Variants in HHAT observed in about 807,000 individuals in gnomAD.
The protein encoded by HHAT is protein-cysteine N-palmitoyltransferase HHAT.
A neutral mutation model predicts 70.8 loss-of-function variants in HHAT; 47 were observed. That is an observed-to-expected ratio of 0.66 (90% confidence interval 0.53 to 0.85). The LOEUF (loss-of-function observed/expected upper bound fraction) is 0.85, where lower values mean the gene tolerates loss of function less well. Among genes scored for constraint, HHAT ranks in the 40% least tolerant of loss-of-function variants. The probability of loss-of-function intolerance (pLI) is 0.00; values close to 1 mark genes in which losing one functional copy is unlikely to be tolerated. For synonymous variants in HHAT, 228 were observed against 247.6 expected, an observed-to-expected ratio of 0.92 and a Z score of 0.74; for missense variants, 609 against 604.8, an observed-to-expected ratio of 1.01 and a Z score of -0.07.
Position 210,609,905 on chromosome 1 carries a change from A to G in HHAT, c.1246-13621A>G, listed in dbSNP as rs895125631. Among the ~76,000 whole-genome samples, 12 of 152,268 alleles carry G rather than the reference A, an allele frequency of 7.9e-5. No homozygotes were observed. In the East Asian group the frequency reaches 1.3e-3, roughly 17 times the overall value. On this transcript the variant is annotated intron_variant, in intron 10 of 11. Transcript: ENST00000261458. ...TATATACCACATTTTTCTTTGTCCA[A>G]TCTATCATTGATGGGCGTTTAGATT...
chr1:210,639,657 G>A (rs74158963), intron 11 of HHAT, among the ~76,000 whole-genome samples: 1 of 152,168 alleles, frequency 6.6e-6, no homozygotes, highest in East Asian at 1.9e-4. Flanking sequence ...TTTCAGTGGC[G>A]CAGTGCAGGT....
chr1:210,385,579 C>T (rs1383775965), intron 3 of HHAT, among the ~76,000 whole-genome samples: 1 of 152,160 alleles, frequency 6.6e-6, no homozygotes, highest in Non-Finnish European at 1.5e-5. Context: ...ACATGATTTC[C>T]AGCAAGGGAC....
chr1:210,525,361 T>C (rs929800613), intron 9 of HHAT, among the ~76,000 whole-genome samples: 1 of 152,192 alleles, frequency 6.6e-6, no homozygotes, highest in African/African-American at 2.4e-5. Flanking sequence ...CCCATCACAG[T>C]CATGTCAATG....
At chr1:210,563,825 C>T (rs1003827480) in intron 9 of HHAT, among the ~76,000 whole-genome samples, 16 of 152,166 alleles carry the variant, frequency 1.1e-4, no homozygotes, top group Non-Finnish European at 1.9e-4. Context: ...TCCTCCTTGC[C>T]TTCCAATTCA....
intron 1 of HHAT, among the ~76,000 whole-genome samples, chr1:210,346,316 T>C (rs1212186550): frequency 2.0e-5 from 3 of 152,212 alleles, no homozygotes; most frequent in Non-Finnish European, 2.9e-5. Context: ...GGTCATCCGA[T>C]GTAATACCAA....
intron 7 of HHAT, among the ~76,000 whole-genome samples, chr1:210,442,015 A>G (rs1343543315): frequency 9.5e-6 from 1 of 104,802 alleles, no homozygotes; most frequent in African/African-American, 3.8e-5. Context: ...CCCACCCCAC[A>G]ACAGTCCCCA....
At chr1:210,649,398 C>T (rs1573993039) in intron 11 of HHAT, among the ~76,000 whole-genome samples, 1 of 152,218 alleles carries the variant, frequency 6.6e-6, no homozygotes, top group East Asian at 1.9e-4. Flanking sequence ...AAAGAGTAGG[C>T]TGGAGAGGCC....
At chr1:210,375,353 C>A (rs2090102781) in intron 3 of HHAT, among the ~76,000 whole-genome samples, 1 of 152,098 alleles carries the variant, frequency 6.6e-6, no homozygotes, top group Non-Finnish European at 1.5e-5. Flanking sequence ...ATATTTTTAT[C>A]ATTCTGCAAT....
intron 9 of HHAT, among the ~76,000 whole-genome samples, chr1:210,575,550 G>T (rs527852282): frequency 5.9e-5 from 9 of 152,294 alleles, no homozygotes; most frequent in African/African-American, 2.2e-4. Context: ...AACAGAAGAA[G>T]AGGGTTAGAA....
At chr1:210,502,830 C>T (rs1053188775) in intron 8 of HHAT, among the ~76,000 whole-genome samples, 1 of 152,208 alleles carries the variant, frequency 6.6e-6, no homozygotes, top group East Asian at 1.9e-4. Context: ...AATAGGTCAG[C>T]AAAGTGGTAT....
At chr1:210,411,901 CT>C (rs2092570891) in intron 6 of HHAT, among the ~76,000 whole-genome samples, 1 of 152,198 alleles carries the variant, frequency 6.6e-6, no homozygotes, top group Non-Finnish European at 1.5e-5. Flanking sequence ...TAGTATGTAT[CT>C]TAGTCCATTC....
rs373238102 is a variant in HHAT at position 210,454,229 on chromosome 1, T to A, written c.857-10276T>A. ...CATGGACTCTGCCTGAAAATGTGCT[T>A]TTTAGAATTTTCAGACATTTTGCCC... is the stretch of plus-strand genomic sequence containing the variant. On this transcript the variant is annotated intron_variant, in intron 7 of 11. Coordinates refer to ENST00000261458, the MANE Select transcript of HHAT (RefSeq NM_018194.6). Among the ~76,000 whole-genome samples, 4 of 150,278 alleles carry A rather than the reference T, an allele frequency of 2.7e-5. No homozygotes were observed. In the South Asian group the frequency reaches 6.4e-4, roughly 24 times the overall value.
chr1:210,577,243 G>T (rs1658014510), intron 9 of HHAT, among the ~76,000 whole-genome samples: 1 of 152,028 alleles, frequency 6.6e-6, no homozygotes, highest in Non-Finnish European at 1.5e-5. Context: ...GTGAGAGTGG[G>T]CATTCTTGCT....
intron 3 of HHAT, among the ~76,000 whole-genome samples, chr1:210,373,934 C>G (rs2089830787): frequency 6.6e-6 from 1 of 152,184 alleles, no homozygotes; most frequent in African/African-American, 2.4e-5. Flanking sequence ...GTCTGTGTCT[C>G]CAATGTTAAT....
At chr1:210,358,272 A>C (rs983421736) in intron 2 of HHAT, among the ~76,000 whole-genome samples, 1 of 152,208 alleles carries the variant, frequency 6.6e-6, no homozygotes, top group African/African-American at 2.4e-5. Flanking sequence ...AAAGTTTTCC[A>C]TGCAAATTAA....
chr1:210,356,525 G>A (rs895493738), intron 2 of HHAT, among the ~76,000 whole-genome samples: 65 of 151,988 alleles, frequency 4.3e-4, no homozygotes, highest in Non-Finnish European at 5.1e-4. Flanking sequence ...ACTACTCCCT[G>A]TTTCTTTGTT....
At chr1:210,640,781 C>A (rs1672835412) in intron 11 of HHAT, among the ~76,000 whole-genome samples, 1 of 151,860 alleles carries the variant, frequency 6.6e-6, no homozygotes. Context: ...TTCAGCTGGA[C>A]CTGAGGGAGA....
chr1:210,431,920 TTTAAATG>T (rs770966308), intron 7 of HHAT, among the ~76,000 whole-genome samples: 10 of 151,870 alleles, frequency 6.6e-5, no homozygotes, highest in Non-Finnish European at 1.3e-4. Flanking sequence ...AAATAGAAGA[TTTAAATG>T]TTATAATTGT....
chr1:210,509,418 A>C (rs745452826), intron 8 of HHAT, among the ~76,000 whole-genome samples: 7 of 152,074 alleles, frequency 4.6e-5, no homozygotes, highest in Non-Finnish European at 1.0e-4. Context: ...GTGCATTCCT[A>C]CCATTTATTC....
Sources: gnomAD v4.1 joint callset for allele counts (sites outside exome capture counted in the v4.1 genomes callset) on GRCh38, gnomAD v4.1.1 for gene constraint, MANE v1.5 for transcripts, NCBI Gene and HGNC (gene_info 2026-07-23, HGNC 2026-07-21) for gene names.